Variants in NCOR1 observed in about 807,000 individuals in gnomAD.
NCOR1 encodes the protein nuclear receptor corepressor 1.
NCOR1 carries 63 observed loss-of-function variants against 288.1 expected under a neutral mutation model. That is an observed-to-expected ratio of 0.22 (90% CI 0.18 to 0.27). The LOEUF is 0.27. Among genes scored for constraint, NCOR1 ranks in the 10% least tolerant of loss-of-function variants. The pLI is 1.00. For missense variants in NCOR1, 2,397 were observed against 3,019.2 expected (o/e 0.79, Z 4.83); for synonymous variants, 1,007 against 1,065.9 (o/e 0.94, Z 1.08).
chr17:16,078,124 T>C (rs948734799), intron 26 of NCOR1, among the ~76,000 whole-genome samples: 1 of 152,162 alleles, frequency 6.6e-6, no homozygotes, highest in South Asian at 2.1e-4. Flanking sequence ...TCAAGGAAAA[T>C]TGTTCATAGA....
At chr17:16,085,753 G>A (rs763237682) in intron 23 of NCOR1, among the ~76,000 whole-genome samples, 36 of 152,330 alleles carry the variant, frequency 2.4e-4, no homozygotes, top group Admixed American at 3.9e-4. Flanking sequence ...TTTCTGAAGT[G>A]ATGGAAGTGT....
In NCOR1 at chr17:16,098,226, A is replaced by G. The variant is rs923691575; in HGVS notation, c.2820+141T>C. On this transcript the variant is annotated intron_variant, in intron 21 of 45. Transcript: ENST00000268712. ...TAACACGAGTGAACTGTATACTTAG[A>G]ATTGGTTACGATTATTAATTTCATG... The G allele has an allele frequency of 7.5e-6, 6 of 803,054 alleles. No individual in the cohort carries two copies. In the African/African-American group the frequency reaches 1.1e-4, roughly 14 times the overall value. 49.7% of individuals were successfully genotyped at this position (803,054 alleles called of 1,614,324 possible).
chr17:16,046,894 G>C (rs1177331653), intron 42 of NCOR1, 57 bp downstream of exon 42: 1 of 1,590,068 alleles, frequency 6.3e-7, no homozygotes, highest in Non-Finnish European at 8.6e-7. Context: ...GGCAACACTG[G>C]AGATATCATT....
At chr17:16,175,679 G>C (rs1165742127) in intron 3 of NCOR1, among the ~76,000 whole-genome samples, 7 of 151,904 alleles carry the variant, frequency 4.6e-5, no homozygotes, top group Non-Finnish European at 1.0e-4. Context: ...CTTGATGCTG[G>C]GAGTTTGAGA....
chr17:16,064,196 CAT>C lies in NCOR1; in HGVS notation c.5102-11_5102-10del, dbSNP rs1283284136. The C allele has an allele frequency of 3.7e-6, 6 of 1,609,202 alleles. No homozygotes were observed. Among genetic ancestry groups the C allele is most frequent in the Non-Finnish European group, 5.1e-6 (6 of 1,177,324 alleles). ...AAGGTGTGTTGGGTGTCCTGTAAAA[CAT>C]AAACCTGCAGCTTAAAGATAAAAAT... On this transcript the variant is annotated splice_polypyrimidine_tract_variant and intron_variant, in intron 34 of 45. Transcript: ENST00000268712.
chr17:16,146,128 A>G (rs897290164), intron 10 of NCOR1, among the ~76,000 whole-genome samples: 2 of 152,194 alleles, frequency 1.3e-5, no homozygotes, highest in African/African-American at 4.8e-5. Flanking sequence ...ACCACTCCCT[A>G]ATCTCAAGTA....
intron 44 of NCOR1, among the ~76,000 whole-genome samples, chr17:16,038,727 C>G (rs1312185050): frequency 5.3e-5 from 8 of 152,064 alleles, no homozygotes; most frequent in Non-Finnish European, 7.4e-5. Context: ...TTTTTTCCTA[C>G]TCTTTTTTTA....
intron 14 of NCOR1, among the ~76,000 whole-genome samples, chr17:16,131,576 A>G: frequency 6.6e-6 from 1 of 152,246 alleles, no homozygotes; most frequent in South Asian, 2.1e-4. Flanking sequence ...AACAAGCAGC[A>G]ATTGTAAATA....
Position 16,110,618 on chromosome 17 carries a change from C to T in NCOR1, c.2056-1706G>A, listed in dbSNP as rs983534607. 2.6e-5 allele frequency among the ~76,000 whole-genome samples: 4 copies of T among 152,280 alleles called. No individual in the cohort carries two copies. In the South Asian group the frequency reaches 8.3e-4, roughly 32 times the overall value. ...TCTGGAAGTCCCAGCCCTGATGGTC[C>T]TCTGTCTTGTGCCCCTTACAGAGCC... On this transcript the variant is annotated intron_variant, in intron 18 of 45. Coordinates refer to ENST00000268712, the MANE Select transcript of NCOR1 (RefSeq NM_006311.4).
chr17:16,066,442 GTCTC>G (rs139957966), intron 32 of NCOR1, among the ~76,000 whole-genome samples: 5,886 of 152,208 alleles, frequency 0.039, 120 homozygotes, highest in East Asian at 0.075. Flanking sequence ...AGTAGATAAT[GTCTC>G]TCTCCTCAAA....
intron 41 of NCOR1, among the ~76,000 whole-genome samples, chr17:16,047,416 C>CT (rs1272794479): frequency 1.3e-5 from 2 of 152,222 alleles, no homozygotes; most frequent in African/African-American, 4.8e-5. Flanking sequence ...ATGCTCTCTC[C>CT]TTAACAGCAC....
intron 23 of NCOR1, among the ~76,000 whole-genome samples, chr17:16,081,838 C>CG (rs2063458426): frequency 6.6e-6 from 1 of 152,180 alleles, no homozygotes; most frequent in Admixed American, 6.5e-5. Flanking sequence ...CTGAAAAACT[C>CG]CAACATATTC....
intron 23 of NCOR1, among the ~76,000 whole-genome samples, chr17:16,085,590 T>C (rs1308300725): frequency 1.3e-5 from 2 of 152,218 alleles, no homozygotes; most frequent in Non-Finnish European, 2.9e-5. Context: ...TATGCTGGGT[T>C]AAAGAAGACA....
Position 16,143,680 on chromosome 17 carries a change from C to T in NCOR1, c.1099G>A (p.Ala367Thr). ...CTAGCAATGGTGGCTGAAAGACCAG[C>T]TCCCCTCTGCCCAACTCTAAACATG... ...ERFQRVGQRG[A>T]GLSATIARSE... Residue 367 changes from alanine to threonine, a missense_variant, in exon 11 of 46, where the codon GCT (alanine) becomes ACT (threonine). This residue lies in a region of NCOR1 where 51 missense variants were observed against 127.6 expected (regional missense o/e 0.40). Coordinates refer to ENST00000268712, the MANE Select transcript of NCOR1 (RefSeq NM_006311.4). 1 of 1,613,570 alleles carries T rather than the reference C, an allele frequency of 6.2e-7. No homozygotes were observed. The highest frequency in any genetic ancestry group is 8.5e-7 in the Non-Finnish European group (1 of 1,179,582).
rs1434719152 is a variant in NCOR1 at position 16,058,037 on chromosome 17, G to C, written c.6038C>G (p.Pro2013Arg). ...ENDPTRQYEGPLHHYRPQQES... is the reference protein window; with the variant it reads ...ENDPTRQYEGRLHHYRPQQES... ...CTGCTGTGGTCGATAGTGATGTAAT[G>C]GTCCTTCATATTGTCTGGTAGGATC... Residue 2013 changes from proline to arginine, a missense_variant, in exon 39 of 46, where the codon CCA (proline) becomes CGA (arginine). By Grantham distance (103) the Pro-to-Arg change is moderately radical. This residue lies in a region of NCOR1 where 1,872 missense variants were observed against 2,187.8 expected (regional missense o/e 0.86). Coordinates refer to ENST00000268712, the MANE Select transcript of NCOR1 (RefSeq NM_006311.4). 3.1e-6 allele frequency: 5 copies of C among 1,614,082 alleles called. No individual in the cohort carries two copies. Among genetic ancestry groups the C allele is most frequent in the Non-Finnish European group, 4.2e-6 (5 of 1,180,012 alleles).
chr17:16,134,669 G>A (rs1819564046), intron 14 of NCOR1, among the ~76,000 whole-genome samples: 1 of 152,120 alleles, frequency 6.6e-6, no homozygotes, highest in Non-Finnish European at 1.5e-5. Context: ...GTGCCCCATA[G>A]AACTTCCTGC....
Position 16,187,519 on chromosome 17 carries a change from T to C in NCOR1, c.109-832A>G, listed in dbSNP as rs139486654. ...AGAGATGCTAGAACACAGACAAACATAGAAAACATTATACTAAGTTTAAAA... is the reference window on the plus strand; with the variant it reads ...AGAGATGCTAGAACACAGACAAACACAGAAAACATTATACTAAGTTTAAAA... On this transcript the variant is annotated intron_variant, in intron 2 of 45. Transcript: ENST00000268712. Among the ~76,000 whole-genome samples the C allele has an allele frequency of 3.1e-3, 424 of 137,768 alleles. 2 individuals are homozygous for C. The highest frequency in any genetic ancestry group is 0.011 in the African/African-American group (397 of 37,126). 90.4% of individuals were successfully genotyped at this position (137,768 alleles called of 152,430 possible).
At chr17:16,074,527 C>T (rs2062154374) in intron 27 of NCOR1, among the ~76,000 whole-genome samples, 1 of 152,176 alleles carries the variant, frequency 6.6e-6, no homozygotes, top group South Asian at 2.1e-4. Context: ...AAATGTGAAT[C>T]ATAATATGCC....
intron 1 of NCOR1, among the ~76,000 whole-genome samples, chr17:16,195,766 C>T (rs990545365): frequency 3.0e-4 from 45 of 152,102 alleles, no homozygotes; most frequent in Non-Finnish European, 1.5e-5. Flanking sequence ...GATGAGAACA[C>T]ATAAATACTG....
Sources: gnomAD v4.1 joint callset for allele counts (sites outside exome capture counted in the v4.1 genomes callset) on GRCh38, gnomAD v4.1.1 for gene constraint, gnomAD v4.1.1 regional missense constraint, MANE v1.5 for transcripts, NCBI Gene and HGNC (gene_info 2026-07-23, HGNC 2026-07-21) for gene names.